The following OCM variants were observed in gnomAD, a reference collection of about 807,000 sequenced individuals.
OCM encodes oncomodulin-1.
OCM carries 18 observed loss-of-function variants against 14.1 expected under a neutral mutation model. The ratio of observed to expected loss-of-function variants is 1.28; its 90% CI spans 0.88 to 1.89. The LOEUF is 1.89. Among genes scored for constraint, OCM ranks in the 40% most tolerant of loss-of-function variants. The pLI is 0.00. For synonymous variants in OCM, 48 were observed against 51.0 expected (o/e 0.94, Z 0.25); for missense variants, 140 against 137.6 (o/e 1.02, Z -0.09).
At chr7:5,874,688 TAG>T in the OCM span, among the ~76,000 whole-genome samples, 2 of 152,072 alleles carry the variant, frequency 1.3e-5, no homozygotes, top group Non-Finnish European at 2.9e-5. Context: ...TTATTTTTTG[TAG>T]AGACGGGGTA....
chr7:5,876,183 T>TC, upstream of OCM, among the ~76,000 whole-genome samples: 1 of 152,102 alleles, frequency 6.6e-6, no homozygotes, highest in East Asian at 1.9e-4. Flanking sequence ...TTTTGTATTT[T>TC]AGTAGAGACG....
At chr7:5,871,594 C>G in the OCM span, among the ~76,000 whole-genome samples, 1 of 152,122 alleles carries the variant, frequency 6.6e-6, no homozygotes, top group African/African-American at 2.4e-5. Flanking sequence ...TTGCACACAC[C>G]TGTTGTGAGC....
intron 2 of OCM, 72 bp from the exon 3 acceptor site, chr7:5,883,818 G>C: frequency 1.9e-6 from 3 of 1,585,616 alleles, no homozygotes; most frequent in Non-Finnish European, 2.6e-6. Context: ...ATGCTTAGAG[G>C]AAAAACAAAA....
chr7:5,862,617 T>A, the OCM span, among the ~76,000 whole-genome samples: 37 of 152,356 alleles, frequency 2.4e-4, no homozygotes, highest in East Asian at 7.1e-3. Context: ...CTTTATGTTA[T>A]GTAAAATGCA....
At chr7:5,874,223 CAAAAAAAAAAAAAAA>C in the OCM span, among the ~76,000 whole-genome samples, 6 of 31,468 alleles carry the variant, frequency 1.9e-4, no homozygotes, top group East Asian at 1.0e-3. Context: ...GACTCTGTCT[CAAAAAAAAAAAAAAA>C]AAAAAAAAAA....
Position 5,880,910 on chromosome 7 carries a change from C to T in OCM, c.21C>T (p.Leu7=), listed in dbSNP as rs1475362680. MSITDV[L]SADDIAAALQ... is the part of the protein sequence containing the mutation. ...AGAAAATGAGCATCACGGACGTGCT[C>T]AGTGCTGACGACATTGCAGCAGCGC... The change falls in exon 1 of 4, where the codon CTC becomes CTT. Residue 7 remains leucine, a synonymous_variant. Transcript: ENST00000242104. 3 of 1,614,002 alleles carry T rather than the reference C, an allele frequency of 1.9e-6. No individual in the cohort carries two copies. Among genetic ancestry groups the T allele is most frequent in the Non-Finnish European group, 2.5e-6 (3 of 1,179,964 alleles).
chr7:5,868,665 T>C, the OCM span, among the ~76,000 whole-genome samples: 1 of 152,166 alleles, frequency 6.6e-6, no homozygotes, highest in Non-Finnish European at 1.5e-5. Context: ...AGAAATGATG[T>C]AGCTTCTGTC....
At chr7:5,878,604 G>A (rs373750253), upstream of OCM, among the ~76,000 whole-genome samples, 5 of 151,682 alleles carry the variant, frequency 3.3e-5, no homozygotes, top group East Asian at 2.0e-4. Flanking sequence ...AAAATTAGCC[G>A]GGTGTTGTGG....
upstream of OCM, among the ~76,000 whole-genome samples, chr7:5,878,340 T>G (rs550731263): frequency 2.9e-3 from 442 of 152,202 alleles, 3 homozygotes; most frequent in African/African-American, 0.01. Flanking sequence ...AGGGCAGTTG[T>G]GGCAGCTCAG....
At chr7:5,878,582 TA>T (rs1439410527), upstream of OCM, among the ~76,000 whole-genome samples, 42 of 150,830 alleles carry the variant, frequency 2.8e-4, no homozygotes, top group East Asian at 1.4e-3. Context: ...CTGTCTGTAC[TA>T]AAAAATACAA....
chr7:5,874,312 A>T, the OCM span, among the ~76,000 whole-genome samples: 6 of 151,672 alleles, frequency 4.0e-5, no homozygotes, highest in African/African-American at 1.5e-4. Context: ...ATTGGTGGCC[A>T]AAATAATGAA....
At chr7:5,866,622 T>C in the OCM span, among the ~76,000 whole-genome samples, 2 of 152,174 alleles carry the variant, frequency 1.3e-5, no homozygotes, top group Admixed American at 1.3e-4. Flanking sequence ...TTTTCTGACA[T>C]CTGACCTGTG....
intron 2 of OCM, 74 bp from the exon 3 acceptor site, chr7:5,883,816 A>G (rs1781275096): frequency 6.3e-7 from 1 of 1,575,548 alleles, no homozygotes; most frequent in East Asian, 2.3e-5. Context: ...ATATGCTTAG[A>G]GGAAAAACAA....
upstream of OCM, among the ~76,000 whole-genome samples, chr7:5,877,948 T>C (rs1308867721): frequency 6.7e-6 from 1 of 150,246 alleles, no homozygotes; most frequent in East Asian, 1.9e-4. Context: ...TACACTTATA[T>C]GATGTCCCTA....
At chr7:5,869,145 C>T in the OCM span, among the ~76,000 whole-genome samples, 3 of 152,150 alleles carry the variant, frequency 2.0e-5, no homozygotes, top group African/African-American at 7.2e-5. Flanking sequence ...CATTGGTATT[C>T]TGAATACAGT....
chr7:5,864,329 A>G, the OCM span, among the ~76,000 whole-genome samples: 1 of 118,860 alleles, frequency 8.4e-6, no homozygotes, highest in Non-Finnish European at 1.9e-5. Flanking sequence ...CCTGGGTGAC[A>G]GGGGGAGACC....
chr7:5,862,962 C>T, the OCM span, among the ~76,000 whole-genome samples: 2 of 150,552 alleles, frequency 1.3e-5, no homozygotes, highest in Non-Finnish European at 2.9e-5. Flanking sequence ...AACATGGACT[C>T]CTCTACTCCC....
At chr7:5,860,837 T>C in the OCM span, among the ~76,000 whole-genome samples, 2 of 148,454 alleles carry the variant, frequency 1.3e-5, no homozygotes, top group South Asian at 2.1e-4. Context: ...CACACACACA[T>C]ATATACACAT....
intron 2 of OCM, among the ~76,000 whole-genome samples, chr7:5,883,287 G>A (rs1781257763): frequency 6.6e-6 from 1 of 152,162 alleles, no homozygotes; most frequent in Non-Finnish European, 1.5e-5. Flanking sequence ...GGAGGCAGAG[G>A]TTGCAGTGAG....
Sources: gnomAD v4.1 joint callset for allele counts (sites outside exome capture counted in the v4.1 genomes callset) on GRCh38, gnomAD v4.1.1 for gene constraint, MANE v1.5 for transcripts, NCBI Gene and HGNC (gene_info 2026-07-23, HGNC 2026-07-21) for gene names.